The following MFN1 variants were observed in gnomAD, a reference collection of about 807,000 sequenced individuals.
MFN1 encodes mitofusin 1.
Under a neutral mutation model 92.4 loss-of-function variants are expected in MFN1, and 65 were observed. The observed-to-expected ratio is 0.70, with a 90% CI of 0.58 to 0.86. MFN1 has a LOEUF of 0.86. Among genes scored for constraint, MFN1 ranks in the 40% least tolerant of loss-of-function variants. The pLI is 0.00. For synonymous variants in MFN1, 297 were observed against 300.9 expected (o/e 0.99, Z 0.13); for missense variants, 781 against 868.0 (o/e 0.90, Z 1.26).
At chr3:179,362,516 A>G in intron 5 of MFN1, 34 bp downstream of exon 5, 1 of 1,601,050 alleles carries the variant, frequency 6.2e-7, no homozygotes, top group Non-Finnish European at 8.5e-7. Flanking sequence ...TTTCTCTGGA[A>G]GTTTATTTAA....
chr3:179,381,423 G>A (rs902581130), intron 14 of MFN1, among the ~76,000 whole-genome samples: 23 of 152,330 alleles, frequency 1.5e-4, no homozygotes, highest in African/African-American at 5.1e-4. Context: ...AACATTGTAG[G>A]TAGAGACTGA....
intron 14 of MFN1, among the ~76,000 whole-genome samples, chr3:179,384,900 C>CTTT (rs35563595): frequency 5.9e-4 from 50 of 84,634 alleles, no homozygotes; most frequent in East Asian, 1.3e-3. Context: ...TTTTGAAGTC[C>CTTT]TTTTTTTTTT....
intron 9 of MFN1, among the ~76,000 whole-genome samples, chr3:179,372,096 A>G (rs1316813418): frequency 6.8e-6 from 1 of 147,142 alleles, no homozygotes; most frequent in Non-Finnish European, 1.5e-5. Flanking sequence ...TAAATATTAT[A>G]TATAATGTTA....
intron 9 of MFN1, among the ~76,000 whole-genome samples, chr3:179,372,427 T>G (rs1193927263): frequency 6.6e-6 from 1 of 152,064 alleles, no homozygotes; most frequent in Non-Finnish European, 1.5e-5. Flanking sequence ...CTGCTGCATA[T>G]TATATATGTT....
At chr3:179,362,816 G>C (rs2108532696) in intron 5 of MFN1, among the ~76,000 whole-genome samples, 1 of 152,250 alleles carries the variant, frequency 6.6e-6, no homozygotes, top group East Asian at 1.9e-4. Flanking sequence ...TGGGATTACA[G>C]ACACACACCA....
intron 3 of MFN1, among the ~76,000 whole-genome samples, chr3:179,358,099 G>A (rs928573352): frequency 6.0e-5 from 9 of 150,956 alleles, no homozygotes. Flanking sequence ...AGAAGAACCT[G>A]CATTGTCTTT....
At chr3:179,378,131 G>C (rs942175722) in intron 12 of MFN1, 2 of 537,700 alleles carry the variant, frequency 3.7e-6, no homozygotes, top group Non-Finnish European at 6.5e-6. Context: ...GTCTGAGGCA[G>C]GAGGATCGCG....
intron 16 of MFN1, among the ~76,000 whole-genome samples, chr3:179,387,450 G>T (rs905288794): frequency 1.6e-4 from 24 of 152,170 alleles, no homozygotes; most frequent in African/African-American, 5.5e-4. Flanking sequence ...GGAGGCTGAG[G>T]CACAAGAATC....
chr3:179,388,286 T>C (rs550444721), intron 16 of MFN1, among the ~76,000 whole-genome samples: 1 of 152,350 alleles, frequency 6.6e-6, no homozygotes, highest in African/African-American at 2.4e-5. Context: ...ATTTAACAAA[T>C]GAACTTAATG....
At chr3:179,369,992 AT>A (rs1322719763) in intron 9 of MFN1, among the ~76,000 whole-genome samples, 1 of 152,222 alleles carries the variant, frequency 6.6e-6, no homozygotes, top group Non-Finnish European at 1.5e-5. Flanking sequence ...TCAGTTAAAA[AT>A]TATTTGAATT....
intron 9 of MFN1, among the ~76,000 whole-genome samples, chr3:179,370,845 GTTGTTT>G (rs1296309412): frequency 6.7e-6 from 1 of 150,196 alleles, no homozygotes; most frequent in African/African-American, 2.5e-5. Flanking sequence ...TTTAGTTTTT[GTTGTTT>G]TTGTTTCTAA....
chr3:179,353,998 C>CA (rs1184486212), intron 3 of MFN1, among the ~76,000 whole-genome samples: 23 of 152,332 alleles, frequency 1.5e-4, no homozygotes, highest in African/African-American at 5.3e-4. Flanking sequence ...TAATGTCTTT[C>CA]AACACTTTTC....
chr3:179,357,651 G>A (rs977463648), intron 3 of MFN1, among the ~76,000 whole-genome samples: 1 of 152,194 alleles, frequency 6.6e-6, no homozygotes, highest in African/African-American at 2.4e-5. Context: ...TTGACTTAAT[G>A]GAAAGCAAGT....
At chr3:179,381,983 T>G (rs1242468342) in intron 14 of MFN1, among the ~76,000 whole-genome samples, 2 of 152,238 alleles carry the variant, frequency 1.3e-5, no homozygotes, top group South Asian at 4.1e-4. Context: ...TTGCAGGTGG[T>G]GCTACATTCA....
rs978688008 is a variant in MFN1 at position 179,392,948 on chromosome 3, T to G, written c.*889T>G. ...CCAGGATTTCATTAAAAATTATTATTGTATTTTTTACCTTAATGAAAGATT... is the reference window on the plus strand; with the variant it reads ...CCAGGATTTCATTAAAAATTATTATGGTATTTTTTACCTTAATGAAAGATT... On this transcript the variant is annotated 3_prime_UTR_variant, in exon 18 of 18. Transcript: ENST00000471841. The G allele has an allele frequency of 6.6e-6, 1 of 152,230 alleles. No homozygotes were observed. The allele number at this position is 152,230 out of a possible 1,614,324, so 9.4% of individuals were successfully genotyped here. A position where few individuals can be genotyped will look rare whatever the true frequency, so the allele number is the denominator to read the frequency against.
At position 179,375,252 on chromosome 3, in the gene MFN1, G is replaced by A; in HGVS notation, c.1008G>A (p.Lys336=). The A allele has an allele frequency of 1.2e-6, 2 of 1,613,746 alleles. No homozygotes were observed. The change falls in exon 10 of 18, where the codon AAG becomes AAA. Residue 336 remains lysine, a synonymous_variant. Transcript: ENST00000471841. ...ECISQSAVKT[K]FEQHTIRAKQ... Reference sequence around the variant, plus strand: ...TCTCGCAGTCAGCAGTGAAAACAAAGTTCGAACAGCACACTATCAGAGCTA... The same window carrying A: ...TCTCGCAGTCAGCAGTGAAAACAAAATTCGAACAGCACACTATCAGAGCTA...
At chr3:179,354,956 C>T (rs1431207459) in intron 3 of MFN1, among the ~76,000 whole-genome samples, 1 of 152,088 alleles carries the variant, frequency 6.6e-6, no homozygotes, top group Non-Finnish European at 1.5e-5. Context: ...ACCACCACAC[C>T]CAGCTAATTT....
intron 15 of MFN1, among the ~76,000 whole-genome samples, chr3:179,386,050 A>G (rs183141684): frequency 6.6e-6 from 1 of 152,336 alleles, no homozygotes; most frequent in Non-Finnish European, 1.5e-5. Flanking sequence ...CTGAATATCA[A>G]GGGGATCTGT....
chr3:179,391,331 A>G (rs1577019036), intron 17 of MFN1, among the ~76,000 whole-genome samples: 1 of 152,162 alleles, frequency 6.6e-6, no homozygotes, highest in Non-Finnish European at 1.5e-5. Context: ...TTGGTCTGCT[A>G]ATCATTTTTC....
Sources: allele counts gnomAD v4.1 joint callset (sites outside exome capture counted in the v4.1 genomes callset), GRCh38; gene constraint gnomAD v4.1.1; transcripts MANE v1.5; gene names NCBI Gene and HGNC (gene_info 2026-07-23, HGNC 2026-07-21).